The following TMEM116 variants were observed in gnomAD, a reference collection of about 807,000 sequenced individuals.
TMEM116 encodes transmembrane protein 116.
A neutral mutation model predicts 44.3 loss-of-function variants in TMEM116; 38 were observed. That is an observed-to-expected ratio of 0.86 (90% CI 0.66 to 1.12). TMEM116 has a LOEUF of 1.12. Ranked by LOEUF, TMEM116 falls within the 50% of genes most tolerant of loss-of-function variation. The pLI, the probability that TMEM116 is intolerant of heterozygous loss-of-function variation, is 0.00. For missense variants in TMEM116, 354 were observed against 401.7 expected (o/e 0.88, Z 1.01); for synonymous variants, 132 against 144.8 (o/e 0.91, Z 0.64).
rs767079388 is a variant in TMEM116, at chr12:111,931,780, G to A, written c.855C>T (p.Gly285=). ...GTTGGTGGAATTTGTGCTGCGTCCA[G>A]CCATATACTCCACAGTTGAGTAGAC... ...SQGLLNCGVY[G]WTQHKFHQLK... The change falls in exon 11 of 11, where the codon GGC becomes GGT. Residue 285 remains glycine, a synonymous_variant. Transcript: ENST00000552374. The A allele has an allele frequency of 1.9e-6, 3 of 1,590,862 alleles. No homozygotes were observed. Among genetic ancestry groups the A allele is most frequent in the Admixed American group, 1.7e-5 (1 of 57,546 alleles).
intron 4 of TMEM116, among the ~76,000 whole-genome samples, chr12:111,975,493 G>A (rs1048980179): frequency 1.3e-5 from 2 of 152,130 alleles, no homozygotes; most frequent in African/African-American, 4.8e-5. Context: ...AAAAGGTAAA[G>A]AACATAGAAG....
intron 3 of TMEM116, among the ~76,000 whole-genome samples, chr12:112,002,392 T>C (rs1457298559): frequency 2.7e-5 from 3 of 111,288 alleles, no homozygotes; most frequent in Admixed American, 9.9e-5. Flanking sequence ...AAACTCTGTC[T>C]CAAAAAAAAA....
chr12:111,994,798 G>A (rs1256176233), intron 3 of TMEM116, among the ~76,000 whole-genome samples: 2 of 152,130 alleles, frequency 1.3e-5, no homozygotes, highest in South Asian at 2.1e-4. Flanking sequence ...TGAAACAACC[G>A]GTTAGACCAC....
chr12:111,965,523 T>C (rs1386403877), intron 4 of TMEM116: 1 of 165,296 alleles, frequency 6.0e-6, no homozygotes, highest in Non-Finnish European at 1.3e-5. Context: ...AATAACAAAA[T>C]AAGCAATTAC....
chr12:111,973,029 T>C (rs2075453050), intron 4 of TMEM116, among the ~76,000 whole-genome samples: 1 of 152,114 alleles, frequency 6.6e-6, no homozygotes, highest in African/African-American at 2.4e-5. Context: ...TCCCAGCTAC[T>C]CAGGAGGCTG....
chr12:111,993,727 C>T (rs1322642365), intron 3 of TMEM116: 8 of 650,306 alleles, frequency 1.2e-5, no homozygotes, highest in Admixed American at 7.7e-5. Flanking sequence ...GTTTGTGGTT[C>T]GGAAGCCCTG....
chr12:111,944,669 A>G (rs562160630), intron 4 of TMEM116, among the ~76,000 whole-genome samples: 37 of 152,190 alleles, frequency 2.4e-4, no homozygotes, highest in Non-Finnish European at 4.4e-4. Flanking sequence ...TGCAGAGGTC[A>G]CCCCAAGTCT....
At chr12:111,991,128 A>G (rs1265638248) in intron 4 of TMEM116, among the ~76,000 whole-genome samples, 1 of 148,356 alleles carries the variant, frequency 6.7e-6, no homozygotes. Flanking sequence ...CTGAGGCAAG[A>G]GAATTGCTTG....
chr12:111,957,696 G>T (rs1167221014), intron 4 of TMEM116, among the ~76,000 whole-genome samples: 2 of 150,964 alleles, frequency 1.3e-5, no homozygotes, highest in South Asian at 2.1e-4. Flanking sequence ...TCTGGGAGGT[G>T]GGGGGGCCCC....
chr12:111,965,723 G>A, intron 4 of TMEM116: 1 of 389,152 alleles, frequency 2.6e-6, no homozygotes, highest in Non-Finnish European at 5.1e-6. Flanking sequence ...CAGGCATTCA[G>A]GACCAGCCTG....
At chr12:111,983,185 C>G (rs552389509) in intron 4 of TMEM116, among the ~76,000 whole-genome samples, 7 of 152,086 alleles carry the variant, frequency 4.6e-5, no homozygotes, top group Admixed American at 1.3e-4. Flanking sequence ...TGCCTGTAAT[C>G]CCAGCACTGA....
chr12:111,999,905 G>A (rs1294396078), intron 3 of TMEM116, among the ~76,000 whole-genome samples: 3 of 152,256 alleles, frequency 2.0e-5, no homozygotes, highest in Non-Finnish European at 2.9e-5. Context: ...CAGTCTTCTT[G>A]TGTAGTATAG....
At chr12:111,941,782 T>G (rs1250177948) in intron 5 of TMEM116, among the ~76,000 whole-genome samples, 1 of 152,120 alleles carries the variant, frequency 6.6e-6, no homozygotes, top group African/African-American at 2.4e-5. Context: ...TCTCTGCCCC[T>G]ACCCTTCTTC....
intron 4 of TMEM116, among the ~76,000 whole-genome samples, chr12:111,954,935 T>C (rs978688917): frequency 7.9e-5 from 12 of 152,116 alleles, no homozygotes; most frequent in East Asian, 3.8e-4. Context: ...GTGGGAAAAA[T>C]TGTAGAAAGA....
rs562525225 is a variant in TMEM116 at position 111,944,137 on chromosome 12, T to C, written c.211-768A>G. Among the ~76,000 whole-genome samples, 13 of 151,982 alleles carry C rather than the reference T, an allele frequency of 8.6e-5. No homozygotes were observed. In the South Asian group the frequency reaches 2.7e-3, roughly 32 times the overall value. ...AAAGAACCTAAGAACTGAGATGATA[T>C]CAAGGAACTAGTAGGATAAAATCTA... On this transcript the variant is annotated intron_variant, in intron 4 of 10. Coordinates refer to ENST00000552374, the MANE Select transcript of TMEM116 (RefSeq NM_001193531.2).
chr12:111,951,458 C>CAT (rs1442248200), intron 4 of TMEM116, among the ~76,000 whole-genome samples: 1 of 152,134 alleles, frequency 6.6e-6, no homozygotes, highest in Non-Finnish European at 1.5e-5. Flanking sequence ...AAATGTGGTA[C>CAT]ATATATATCA....
At chr12:111,984,088 A>T (rs540266918) in intron 4 of TMEM116, among the ~76,000 whole-genome samples, 1 of 152,194 alleles carries the variant, frequency 6.6e-6, no homozygotes, top group Non-Finnish European at 1.5e-5. Context: ...TGACTATTTC[A>T]ATTAATGCAG....
At chr12:111,993,687 CT>C in intron 3 of TMEM116, 1 of 609,914 alleles carries the variant, frequency 1.6e-6, no homozygotes, top group Non-Finnish European at 3.2e-6. Flanking sequence ...AGTTTGCCTG[CT>C]TTTAAGGTAC....
intron 3 of TMEM116, chr12:111,993,494 A>G: frequency 1.8e-6 from 1 of 546,692 alleles, no homozygotes; most frequent in South Asian, 1.5e-5. Flanking sequence ...TGCCTCTGCC[A>G]GTGCTGAATT....
Sources: allele counts gnomAD v4.1 joint callset (sites outside exome capture counted in the v4.1 genomes callset), GRCh38; gene constraint gnomAD v4.1.1; transcripts MANE v1.5; gene names NCBI Gene and HGNC (gene_info 2026-07-23, HGNC 2026-07-21).